FNBP1: variants seen among roughly 807,000 people sequenced by gnomAD.
The protein encoded by FNBP1 is formin binding protein 1.
In FNBP1, 26 loss-of-function variants were observed where a neutral mutation model predicts 90.6. The ratio of observed to expected loss-of-function variants is 0.29; its 90% CI spans 0.21 to 0.40. The LOEUF is 0.40. FNBP1 is among the 10% of genes least tolerant of loss of function. FNBP1 has a pLI of 1.00. For synonymous variants in FNBP1, 260 were observed against 265.2 expected (o/e 0.98, Z 0.19); for missense variants, 635 against 768.0 (o/e 0.83, Z 2.05).
intron 1 of FNBP1, among the ~76,000 whole-genome samples, chr9:129,995,462 A>G (rs2053842136): frequency 6.6e-6 from 1 of 152,220 alleles, no homozygotes; most frequent in African/African-American, 2.4e-5. Flanking sequence ...CCACACTGTG[A>G]GCCAGGAACA....
At chr9:129,924,173 T>C (rs2041535226) in intron 9 of FNBP1, 147 bp from the exon 10 acceptor site, 1 of 753,750 alleles carries the variant, frequency 1.3e-6, no homozygotes, top group Non-Finnish European at 2.0e-6. Context: ...AGAAAACATG[T>C]AGGAGGTGGT....
chr9:129,975,629 C>T (rs76210437), intron 4 of FNBP1, among the ~76,000 whole-genome samples: 9,997 of 152,028 alleles, frequency 0.066, 442 homozygotes, highest in Admixed American at 0.12. Flanking sequence ...CGAGGGGGCA[C>T]GGTGGCTCAC....
At chr9:129,923,814 A>G (rs1308866464) in intron 10 of FNBP1, 30 bp downstream of exon 10, 2 of 1,538,332 alleles carry the variant, frequency 1.3e-6, no homozygotes, top group South Asian at 2.4e-5. Flanking sequence ...AAAGCACGCC[A>G]GAGAGACAGG....
At chr9:130,014,244 TTTC>T (rs1726909776) in intron 1 of FNBP1, among the ~76,000 whole-genome samples, 1 of 151,202 alleles carries the variant, frequency 6.6e-6, no homozygotes, top group Non-Finnish European at 1.5e-5. Flanking sequence ...TATTTCTTTC[TTTC>T]TTTTTTTTTT....
chr9:129,896,034 C>G (rs1172043229), intron 15 of FNBP1, 38 bp from the exon 16 acceptor site: 3 of 1,557,716 alleles, frequency 1.9e-6, no homozygotes, highest in Non-Finnish European at 2.6e-6. Context: ...GATGTCTTGG[C>G]AAATGCAGGG....
At chr9:129,996,939 C>T (rs796826278) in intron 1 of FNBP1, among the ~76,000 whole-genome samples, 7 of 152,176 alleles carry the variant, frequency 4.6e-5, no homozygotes, top group African/African-American at 1.4e-4. Flanking sequence ...AAGTGATCCT[C>T]CCGCCTTGGC....
chr9:129,998,860 C>A (rs981337096), intron 1 of FNBP1, among the ~76,000 whole-genome samples: 1 of 152,136 alleles, frequency 6.6e-6, no homozygotes, highest in African/African-American at 2.4e-5. Flanking sequence ...GACCATTCTA[C>A]AAGCTATAAT....
intron 1 of FNBP1, among the ~76,000 whole-genome samples, chr9:130,025,716 G>C (rs1035365161): frequency 2.0e-5 from 3 of 152,330 alleles, no homozygotes; most frequent in Non-Finnish European, 4.4e-5. Context: ...CTGAGGTCAG[G>C]AGTTCCAGAC....
At chr9:129,892,738 A>T (rs142232012) in intron 16 of FNBP1, among the ~76,000 whole-genome samples, 234 of 152,340 alleles carry the variant, frequency 1.5e-3, no homozygotes, top group African/African-American at 5.6e-3. Context: ...TGGTTTTCTA[A>T]TATTTCATGC....
intron 6 of FNBP1, among the ~76,000 whole-genome samples, chr9:129,952,413 G>C (rs529781770): frequency 6.6e-6 from 1 of 151,866 alleles, no homozygotes; most frequent in Non-Finnish European, 1.5e-5. Context: ...CAGGGGAATC[G>C]CTTGAACCTG....
chr9:129,941,849 T>A (rs1334639092), intron 6 of FNBP1, among the ~76,000 whole-genome samples: 4 of 152,006 alleles, frequency 2.6e-5, no homozygotes, highest in African/African-American at 9.7e-5. Flanking sequence ...GGCAGGTGGA[T>A]CACATGAGGT....
chr9:129,905,532 ACT>A (rs2037860708), intron 12 of FNBP1, among the ~76,000 whole-genome samples: 1 of 151,460 alleles, frequency 6.6e-6, no homozygotes, highest in South Asian at 2.1e-4. Context: ...CTGGTCTTGA[ACT>A]CCTGACCTCA....
chr9:130,021,543 CT>C, intron 1 of FNBP1, among the ~76,000 whole-genome samples: 1 of 152,252 alleles, frequency 6.6e-6, no homozygotes, highest in South Asian at 2.1e-4. Context: ...GTGGAAATTA[CT>C]TTGCAGAAAT....
At chr9:129,934,039 T>C (rs1292457149) in intron 6 of FNBP1, among the ~76,000 whole-genome samples, 5 of 152,212 alleles carry the variant, frequency 3.3e-5, no homozygotes, top group Admixed American at 1.3e-4. Flanking sequence ...CAAAAATACC[T>C]TTAAAATATC....
At chr9:129,895,337 A>C (rs1171134105) in intron 16 of FNBP1, 1 of 1,065,484 alleles carries the variant, frequency 9.4e-7, no homozygotes, top group Non-Finnish European at 1.1e-6. Context: ...ACTTCCTCCC[A>C]AGTGAATGAG....
At chr9:129,946,781 G>C (rs925024432) in intron 6 of FNBP1, among the ~76,000 whole-genome samples, 1 of 152,166 alleles carries the variant, frequency 6.6e-6, no homozygotes. Flanking sequence ...AATTATGTAA[G>C]AGCCAACAGT....
At chr9:129,925,244 T>G in intron 8 of FNBP1, 87 bp from the exon 9 acceptor site, 1 of 1,055,002 alleles carries the variant, frequency 9.5e-7, no homozygotes, top group Non-Finnish European at 1.4e-6. Flanking sequence ...CGGTGGCTCA[T>G]GCCTGTAATC....
chr9:129,891,809 T>C (rs1653652467), intron 16 of FNBP1, among the ~76,000 whole-genome samples: 1 of 152,096 alleles, frequency 6.6e-6, no homozygotes, highest in African/African-American at 2.4e-5. Context: ...TTACTGGAGA[T>C]GAAAGAGTTA....
intron 1 of FNBP1, among the ~76,000 whole-genome samples, chr9:130,001,894 G>A (rs1427689547): frequency 3.3e-5 from 5 of 152,162 alleles, no homozygotes; most frequent in African/African-American, 9.6e-5. Context: ...CAGGCATGAT[G>A]GTGGGCGCCT....
Sources: gnomAD v4.1 joint callset for allele counts (sites outside exome capture counted in the v4.1 genomes callset) on GRCh38, gnomAD v4.1.1 for gene constraint, MANE v1.5 for transcripts, NCBI Gene and HGNC (gene_info 2026-07-23, HGNC 2026-07-21) for gene names.